The following DRGX variants were observed in gnomAD, a reference collection of about 807,000 sequenced individuals.
The protein encoded by DRGX is dorsal root ganglia homeobox, also known as dorsal root ganglia homeobox protein.
DRGX carries 21 observed loss-of-function variants against 28.6 expected under a neutral mutation model. The observed-to-expected ratio is 0.73, with a 90% CI of 0.52 to 1.06. The LOEUF (loss-of-function observed/expected upper bound fraction) is 1.06, where lower values mean the gene tolerates loss of function less well. DRGX is among the 50% of genes least tolerant of loss of function. The pLI, the probability that DRGX is intolerant of heterozygous loss-of-function variation, is 0.00. For synonymous variants in DRGX, 136 were observed against 139.1 expected (o/e 0.98, Z 0.16); for missense variants, 354 against 343.9 (o/e 1.03, Z -0.23).
At chr10:49,394,626 G>A (rs1174358695) in intron 2 of DRGX, among the ~76,000 whole-genome samples, 1 of 152,190 alleles carries the variant, frequency 6.6e-6, no homozygotes, top group African/African-American at 2.4e-5. Context: ...CTCGGGTCCT[G>A]AGCAGGGGCA....
chr10:49,395,625 G>T, intron 1 of DRGX, 104 bp from the exon 2 acceptor site: 2 of 684,134 alleles, frequency 2.9e-6, no homozygotes, highest in Non-Finnish European at 5.0e-6. Context: ...CCCTCCCAAC[G>T]CCCTCATCTC....
intron 3 of DRGX, 34 bp from the exon 4 acceptor site, chr10:49,390,268 G>T (rs1383054483): frequency 1.9e-6 from 3 of 1,563,890 alleles, no homozygotes; most frequent in Non-Finnish European, 2.6e-6. Context: ...CTGGTGAGAG[G>T]CTGTGGCTAG....
At chr10:49,390,979 G>A (rs1035549329) in intron 3 of DRGX, among the ~76,000 whole-genome samples, 185 bp downstream of exon 3, 1 of 152,192 alleles carries the variant, frequency 6.6e-6, no homozygotes. Context: ...GGGATTACAA[G>A]GTTAGCGTCA....
intron 3 of DRGX, among the ~76,000 whole-genome samples, chr10:49,390,542 C>A (rs1254735099): frequency 6.6e-6 from 1 of 152,128 alleles, no homozygotes; most frequent in African/African-American, 2.4e-5. Flanking sequence ...CTAACAGTCA[C>A]CTTATGAACT....
chr10:49,394,888 G>A (rs1000113564), intron 2 of DRGX, among the ~76,000 whole-genome samples: 13 of 152,216 alleles, frequency 8.5e-5, no homozygotes, highest in African/African-American at 2.7e-4. Context: ...CCAGGAGGCC[G>A]GGAAGGGAAT....
chr10:49,367,886 TGTGCTCACTGGAGCCTGG>T (rs1849616645), intron 6 of DRGX, among the ~76,000 whole-genome samples: 1 of 152,208 alleles, frequency 6.6e-6, no homozygotes, highest in Non-Finnish European at 1.5e-5. Context: ...GACAAATGTC[TGTGCTCACTGGAGCCTGG>T]AAGGCCACCC....
intron 4 of DRGX, among the ~76,000 whole-genome samples, chr10:49,388,103 G>A (rs1849860345): frequency 6.6e-6 from 1 of 152,140 alleles, no homozygotes; most frequent in South Asian, 2.1e-4. Context: ...ACCTTGACCT[G>A]AGCACCTTCT....
intron 2 of DRGX, 107 bp downstream of exon 2, chr10:49,395,299 CG>C: frequency 2.9e-6 from 4 of 1,370,224 alleles, no homozygotes; most frequent in Non-Finnish European, 4.0e-6. Context: ...CAGGCGGCTG[CG>C]CCCCCCGCAG....
chr10:49,382,931 C>T (rs1299294303), intron 6 of DRGX, among the ~76,000 whole-genome samples: 1 of 152,162 alleles, frequency 6.6e-6, no homozygotes, highest in Non-Finnish European at 1.5e-5. Flanking sequence ...TGGAGAGGGA[C>T]CCCGGGGAGA....
At chr10:49,376,041 G>A (rs764463979) in intron 6 of DRGX, among the ~76,000 whole-genome samples, 1 of 152,128 alleles carries the variant, frequency 6.6e-6, no homozygotes, top group Non-Finnish European at 1.5e-5. Flanking sequence ...GATGACAGAA[G>A]GTGCCTGTCA....
At chr10:49,382,824 C>T (rs949963974) in intron 6 of DRGX, among the ~76,000 whole-genome samples, 2 of 152,224 alleles carry the variant, frequency 1.3e-5, no homozygotes, top group Non-Finnish European at 2.9e-5. Flanking sequence ...TCTTCCTGGA[C>T]ACTGTCTAGG....
chr10:49,377,299 C>T (rs1849726916), intron 6 of DRGX, among the ~76,000 whole-genome samples: 1 of 152,210 alleles, frequency 6.6e-6, no homozygotes, highest in Non-Finnish European at 1.5e-5. Flanking sequence ...GAATAGTGCC[C>T]TTAAAGTATA....
intron 6 of DRGX, among the ~76,000 whole-genome samples, chr10:49,370,531 G>A (rs1385039868): frequency 6.6e-6 from 1 of 151,012 alleles, no homozygotes; most frequent in Admixed American, 6.6e-5. Flanking sequence ...GCAGGTGGAC[G>A]CACAAACACG....
chr10:49,388,330 A>G (rs143443886), intron 4 of DRGX, among the ~76,000 whole-genome samples: 256 of 152,236 alleles, frequency 1.7e-3, no homozygotes, highest in African/African-American at 6.0e-3. Context: ...CCTCCCTTCA[A>G]TTCCCCAGGG....
At position 49,371,482 on chromosome 10, in the gene DRGX, T is replaced by C. The variant is rs370523255; in HGVS notation, c.527-5101A>G. On this transcript the variant is annotated intron_variant, in intron 6 of 6. Coordinates refer to ENST00000374139, the MANE Select transcript of DRGX (RefSeq NM_001276451.2). ...CAGCCTTGGCAACATGGCAAAACCC[T>C]GTCTCTACAAAATATACAAAAAAAA... 2.4e-4 allele frequency among the ~76,000 whole-genome samples: 37 copies of C among 152,144 alleles called. 1 individual carries two copies. The East Asian group carries it at 5.4e-3, about 22-fold the overall frequency.
intron 2 of DRGX, among the ~76,000 whole-genome samples, chr10:49,393,466 T>G (rs1849931976): frequency 6.6e-6 from 1 of 152,256 alleles, no homozygotes; most frequent in African/African-American, 2.4e-5. Flanking sequence ...GTATTCAAAC[T>G]TCTCAGGCAG....
intron 6 of DRGX, among the ~76,000 whole-genome samples, chr10:49,367,679 G>A (rs909767708): frequency 6.6e-6 from 1 of 152,202 alleles, no homozygotes; most frequent in Non-Finnish European, 1.5e-5. Flanking sequence ...AAAATACGAA[G>A]AGGGAATTTC....
intron 6 of DRGX, among the ~76,000 whole-genome samples, chr10:49,375,091 G>T (rs1849702814): frequency 6.6e-6 from 1 of 152,170 alleles, no homozygotes; most frequent in Admixed American, 6.5e-5. Context: ...GTGTTTAAGT[G>T]CAGTCACCAA....
chr10:49,389,324 A>T (rs184101770), intron 4 of DRGX, among the ~76,000 whole-genome samples: 1 of 152,300 alleles, frequency 6.6e-6, no homozygotes, highest in East Asian at 1.9e-4. Flanking sequence ...GCAAACTATT[A>T]TATTTCCTAC....
Sources: allele counts gnomAD v4.1 joint callset (sites outside exome capture counted in the v4.1 genomes callset), GRCh38; gene constraint gnomAD v4.1.1; transcripts MANE v1.5; gene names NCBI Gene and HGNC (gene_info 2026-07-23, HGNC 2026-07-21).